HERC1: variants seen among roughly 807,000 people sequenced by gnomAD.
HERC1 encodes the protein probable E3 ubiquitin-protein ligase HERC1.
HERC1 carries 160 observed loss-of-function variants against 554.3 expected under a neutral mutation model. That is an observed-to-expected ratio of 0.29 (90% confidence interval 0.25 to 0.33). HERC1 has a LOEUF of 0.33. HERC1 is among the 10% of genes least tolerant of loss of function. The pLI is 1.00. For missense variants in HERC1, 4,919 were observed against 5,918.5 expected (o/e 0.83, Z 5.54); for synonymous variants, 2,175 against 2,131.7 (o/e 1.02, Z -0.56).
At chr15:63,729,166 A>G in intron 16 of HERC1, 70 bp downstream of exon 16, 2 of 1,388,352 alleles carry the variant, frequency 1.4e-6, no homozygotes, top group Non-Finnish European at 1.9e-6. Context: ...GGCTCTCTTA[A>G]GACTTTGGAA....
intron 1 of HERC1, among the ~76,000 whole-genome samples, chr15:63,781,420 C>T (rs2076285672): frequency 6.6e-6 from 1 of 152,114 alleles, no homozygotes; most frequent in Non-Finnish European, 1.5e-5. Flanking sequence ...ATATTTCAAA[C>T]TTTTCATTAT....
In HERC1 at chr15:63,624,234, C is replaced by T. The variant is rs2068205096; in HGVS notation, c.13369G>A (p.Val4457Met). 6.2e-7 allele frequency: 1 copy of T among 1,613,892 alleles called. No individual in the cohort carries two copies. The highest frequency in any genetic ancestry group is 1.1e-5 in the South Asian group (1 of 91,080). Residue 4457 changes from valine to methionine, a missense_variant, in exon 72 of 78, where the codon GTG becomes ATG. Val to Met is a conservative substitution (Grantham distance 21). Coordinates refer to ENST00000443617, the MANE Select transcript of HERC1 (RefSeq NM_003922.4). ...ACCATGGTTTTTCCTATGGAGCGCA[C>T]CATTGGCAGAGTGTAGACTCTTGGG... ...LAPRVYTLPM[V>M]RSIGKTMVQG... is the part of the protein sequence containing the mutation.
intron 1 of HERC1, among the ~76,000 whole-genome samples, chr15:63,789,613 C>T (rs1319296967): frequency 6.6e-6 from 1 of 151,306 alleles, no homozygotes; most frequent in East Asian, 2.0e-4. Flanking sequence ...GCCTGGCCAA[C>T]ATGGTGAAAC....
At chr15:63,620,023 T>A (rs1362200580) in intron 74 of HERC1, among the ~76,000 whole-genome samples, 1 of 152,252 alleles carries the variant, frequency 6.6e-6, no homozygotes, top group Non-Finnish European at 1.5e-5. Flanking sequence ...AGTTATTTAT[T>A]GCCTTCTGCT....
At chr15:63,674,321 A>C (rs1348506080) in intron 38 of HERC1, 21 bp downstream of exon 38, 3 of 1,551,522 alleles carry the variant, frequency 1.9e-6, no homozygotes, top group African/African-American at 2.8e-5. Context: ...AAGCAAAAAA[A>C]AAAAAAATCA....
chr15:63,667,073 A>G (rs945222392), intron 40 of HERC1, among the ~76,000 whole-genome samples: 25 of 152,248 alleles, frequency 1.6e-4, no homozygotes, highest in Admixed American at 1.6e-3. Context: ...AAGAAAATAC[A>G]TATGTTAGAT....
chr15:63,757,340 C>CTA (rs2075457224), intron 4 of HERC1, among the ~76,000 whole-genome samples: 1 of 135,592 alleles, frequency 7.4e-6, no homozygotes, highest in Non-Finnish European at 1.5e-5. Flanking sequence ...TTTTGTTTCA[C>CTA]TATAACCTCC....
Position 63,734,557 on chromosome 15 carries a change from G to T in HERC1, c.2646+167C>A. ...CAAATAACTTAATAAATTATCACTTGCTTCACCTAAGGTTGTTAAGACAAC... is the reference window on the plus strand; with the variant it reads ...CAAATAACTTAATAAATTATCACTTTCTTCACCTAAGGTTGTTAAGACAAC... On this transcript the variant is annotated intron_variant, in intron 13 of 77. Coordinates refer to ENST00000443617, the MANE Select transcript of HERC1 (RefSeq NM_003922.4). The surrounding 1 kb of genome is among the most constrained non-coding windows in gnomAD (Gnocchi z 4.6). 1 of 459,934 alleles carries T rather than the reference G, an allele frequency of 2.2e-6. No homozygotes were observed. Among genetic ancestry groups the T allele is most frequent in the Non-Finnish European group, 3.8e-6 (1 of 264,612 alleles). The allele number at this position is 459,934 out of a possible 1,614,324, so 28.5% of individuals were successfully genotyped here. A position where few individuals can be genotyped will look rare whatever the true frequency, so the allele number is the denominator to read the frequency against.
chr15:63,767,471 G>A (rs372429637), intron 2 of HERC1, among the ~76,000 whole-genome samples: 8 of 152,072 alleles, frequency 5.3e-5, no homozygotes, highest in South Asian at 4.2e-4. Flanking sequence ...AGGCCAAGGC[G>A]GGTGGATCAT....
intron 37 of HERC1, 176 bp from the exon 38 acceptor site, chr15:63,675,293 T>TA (rs950989378): frequency 1.6e-5 from 8 of 507,478 alleles, no homozygotes; most frequent in African/African-American, 1.6e-4. Context: ...TATGAGAAAA[T>TA]GGGGAGATGT....
chr15:63,729,775 C>A, intron 14 of HERC1, 126 bp from the exon 15 acceptor site: 1 of 855,622 alleles, frequency 1.2e-6, no homozygotes, highest in East Asian at 2.7e-5. Context: ...GTAATCCCAG[C>A]ACTTTGGGAG....
chr15:63,676,318 G>A lies in HERC1; in HGVS notation c.7071-1201C>T, dbSNP rs1595948612. On this transcript the variant is annotated intron_variant, in intron 37 of 77. Transcript: ENST00000443617. ...AAGCTGTCACTGGTTTCTTAGCTTG[G>A]TAGAATGGAGGGGAAGGCAGAGTCC... 3.3e-5 allele frequency among the ~76,000 whole-genome samples: 5 copies of A among 151,910 alleles called. No homozygotes were observed. In the South Asian group the frequency reaches 1.0e-3, roughly 31 times the overall value.
At position 63,682,562 on chromosome 15, in the gene HERC1, G is replaced by C. The variant is rs1225407029; in HGVS notation, c.6226-1786C>G. On this transcript the variant is annotated intron_variant, in intron 34 of 77. Coordinates refer to ENST00000443617, the MANE Select transcript of HERC1 (RefSeq NM_003922.4). ...AAGGAGGGAGGACTGCTTGAAGCCA[G>C]GAGTTTGAGACTACCTTGGGCAAGA... Among the ~76,000 whole-genome samples the C allele has an allele frequency of 2.0e-5, 3 of 152,128 alleles. No homozygotes were observed. The East Asian group carries it at 5.8e-4, about 29-fold the overall frequency.
At chr15:63,706,442 G>T (rs1160729911) in intron 25 of HERC1, among the ~76,000 whole-genome samples, 7 of 152,080 alleles carry the variant, frequency 4.6e-5, no homozygotes, top group Non-Finnish European at 8.8e-5. Context: ...GGAAAATTTT[G>T]TAAATAACCC....
At chr15:63,829,499 T>TATATATAC (rs1336272062) in intron 1 of HERC1, among the ~76,000 whole-genome samples, 1 of 53,366 alleles carries the variant, frequency 1.9e-5, no homozygotes, top group African/African-American at 5.8e-5. Context: ...TATATATATA[T>TATATATAC]ACACACACAC....
intron 55 of HERC1, 148 bp downstream of exon 55, chr15:63,647,921 G>A (rs1004246474): frequency 3.0e-6 from 2 of 667,466 alleles, no homozygotes; most frequent in African/African-American, 3.6e-5. Context: ...GAGGAGGATG[G>A]ATTATGAGAG....
At position 63,608,840 on chromosome 15, in the gene HERC1, C is replaced by A; in HGVS notation, c.*241G>T. 5.6e-6 allele frequency: 2 copies of A among 360,348 alleles called. No individual in the cohort carries two copies. Among genetic ancestry groups the A allele is most frequent in the South Asian group, 5.3e-5 (1 of 18,984 alleles). The allele number at this position is 360,348 out of a possible 1,614,324, so 22.3% of individuals were successfully genotyped here. ...TTCATGCAAACTTATCAAAAGTGAC[C>A]AAAAATATGGAGGGAAAAACCTGAC... On this transcript the variant is annotated 3_prime_UTR_variant, in exon 78 of 78. Coordinates refer to ENST00000443617, the MANE Select transcript of HERC1 (RefSeq NM_003922.4).
intron 1 of HERC1, among the ~76,000 whole-genome samples, chr15:63,814,455 G>A (rs2077428006): frequency 6.6e-6 from 1 of 151,858 alleles, no homozygotes; most frequent in African/African-American, 2.4e-5. Flanking sequence ...GTGGGGGAGG[G>A]GGTTGGAGGT....
At chr15:63,746,414 G>T (rs2075056917) in intron 12 of HERC1, among the ~76,000 whole-genome samples, 1 of 151,948 alleles carries the variant, frequency 6.6e-6, no homozygotes, top group African/African-American at 2.4e-5. Context: ...ATTTAACATT[G>T]TATTATAATA....
Sources: gnomAD v4.1 joint callset for allele counts (sites outside exome capture counted in the v4.1 genomes callset) on GRCh38, gnomAD v4.1.1 for gene constraint, Gnocchi (gnomAD v3.1) non-coding constraint, MANE v1.5 for transcripts, NCBI Gene and HGNC (gene_info 2026-07-23, HGNC 2026-07-21) for gene names.